The following AKT2 variants were observed in gnomAD, a reference collection of about 807,000 sequenced individuals.
AKT2 encodes RAC-beta serine/threonine-protein kinase.
Under a neutral mutation model 58.6 loss-of-function variants are expected in AKT2, and 16 were observed. The ratio of observed to expected loss-of-function variants is 0.27; its 90% CI spans 0.18 to 0.41. The LOEUF (loss-of-function observed/expected upper bound fraction) is 0.41. AKT2 is among the 10% of genes least tolerant of loss of function. The pLI is 1.00. For synonymous variants in AKT2, 253 were observed against 254.0 expected, an observed-to-expected ratio of 1.00 and a Z score of 0.04; for missense variants, 438 against 661.0, an observed-to-expected ratio of 0.66 and a Z score of 3.70.
At chr19:40,276,642 G>A (rs1175582991) in intron 1 of AKT2, among the ~76,000 whole-genome samples, 1 of 151,910 alleles carries the variant, frequency 6.6e-6, no homozygotes, top group Admixed American at 6.5e-5. Flanking sequence ...GGGATTACAG[G>A]TGTGAACCAC....
intron 2 of AKT2, 84 bp from the exon 3 acceptor site, chr19:40,257,138 C>T (rs866904378): frequency 1.4e-5 from 21 of 1,540,918 alleles, no homozygotes; most frequent in Middle Eastern, 3.8e-4. Context: ...CCCAGTGTGA[C>T]GGTGACTCAC....
rs1333242372 is a variant in AKT2 at position 40,232,379 on chromosome 19, C to T, written c.*1493G>A. 3 of 233,464 alleles carry T rather than the reference C, an allele frequency of 1.3e-5. No individual in the cohort carries two copies. The highest frequency in any genetic ancestry group is 1.8e-4 in the South Asian group (1 of 5,530). The allele number at this position is 233,464 out of a possible 1,614,324, so 14.5% of individuals were successfully genotyped here. A position where few individuals can be genotyped will look rare whatever the true frequency, so the allele number is the denominator to read the frequency against. On this transcript the variant is annotated 3_prime_UTR_variant, in exon 14 of 14. Transcript: ENST00000392038. Reference sequence around the variant, plus strand: ...TGCTTGTACCGTACAAATATGAAGACGAGGAGAAAGGCCAGTAGGGACGGA... The same window carrying T: ...TGCTTGTACCGTACAAATATGAAGATGAGGAGAAAGGCCAGTAGGGACGGA...
intron 1 of AKT2, among the ~76,000 whole-genome samples, chr19:40,284,297 C>T (rs2077475314): frequency 6.6e-6 from 1 of 152,132 alleles, no homozygotes; most frequent in African/African-American, 2.4e-5. Context: ...AAGCCCAATC[C>T]CTCTTCCTCT....
chr19:40,261,933 A>T (rs986994271), intron 2 of AKT2, among the ~76,000 whole-genome samples: 3 of 151,568 alleles, frequency 2.0e-5, no homozygotes, highest in African/African-American at 7.3e-5. Context: ...GATAAAAACT[A>T]AAAAAAACCT....
At chr19:40,255,666 T>A (rs575996880) in intron 3 of AKT2, among the ~76,000 whole-genome samples, 1 of 151,768 alleles carries the variant, frequency 6.6e-6, no homozygotes, top group African/African-American at 2.4e-5. Context: ...TGAGAGGAGG[T>A]TCAACATCCT....
At chr19:40,236,140 G>A (rs1194476061) in intron 10 of AKT2, 36 bp from the exon 11 acceptor site, 2 of 1,613,338 alleles carry the variant, frequency 1.2e-6, no homozygotes, top group African/African-American at 1.3e-5. Context: ...TGGGCCCGTG[G>A]CCCTGAGGCT....
intron 1 of AKT2, among the ~76,000 whole-genome samples, chr19:40,267,600 G>A (rs1282407859): frequency 2.6e-5 from 4 of 152,216 alleles, no homozygotes; most frequent in Non-Finnish European, 5.9e-5. Flanking sequence ...CGCTAATGCA[G>A]TAGACCAGCA....
intron 3 of AKT2, among the ~76,000 whole-genome samples, chr19:40,255,984 G>C (rs1399504414): frequency 6.6e-6 from 1 of 152,172 alleles, no homozygotes; most frequent in African/African-American, 2.4e-5. Flanking sequence ...ATGGGAAGAG[G>C]GCACTGAGGA....
Position 40,233,371 on chromosome 19 carries a change from G to C in AKT2, c.*501C>G, listed in dbSNP as rs562687062. On this transcript the variant is annotated 3_prime_UTR_variant, in exon 14 of 14. Coordinates refer to ENST00000392038, the MANE Select transcript of AKT2 (RefSeq NM_001626.6). The surrounding 1 kb of genome is among the most constrained non-coding windows in gnomAD (Gnocchi z 4.3). ...ATTATTGCTTTTCTGCCCCCATAGGGGGACAGCGGGTGGGGGATTGGACCG... is the reference window on the plus strand; with the variant it reads ...ATTATTGCTTTTCTGCCCCCATAGGCGGACAGCGGGTGGGGGATTGGACCG... 5.0e-5 allele frequency: 21 copies of C among 423,354 alleles called. No homozygotes were observed. The highest frequency in any genetic ancestry group is 3.6e-4 in the Admixed American group (10 of 27,780). 26.2% of individuals were successfully genotyped at this position (423,354 alleles called of 1,614,324 possible).
intron 1 of AKT2, chr19:40,274,854 T>C (rs1568571321): frequency 2.8e-6 from 1 of 351,762 alleles, no homozygotes; most frequent in South Asian, 2.1e-5. Flanking sequence ...GTGGCTCTTA[T>C]TTGGAGTGAG....
chr19:40,233,821 C>A lies in AKT2; in HGVS notation c.*51G>T, dbSNP rs1434005181. On this transcript the variant is annotated 3_prime_UTR_variant, in exon 14 of 14. Coordinates refer to ENST00000392038, the MANE Select transcript of AKT2 (RefSeq NM_001626.6). This position sits in a 1 kb window ranked among gnomAD's most constrained non-coding sequence, Gnocchi z 4.3. ...TAAGTAAAAAGTTAGGGGGAAAAAA[C>A]CACCCAGCGGTGATGGCAGCGAGCG... is the stretch of plus-strand genomic sequence containing the variant. The A allele has an allele frequency of 2.5e-6, 4 of 1,586,980 alleles. No individual in the cohort carries two copies. The highest frequency in any genetic ancestry group is 3.4e-6 in the Non-Finnish European group (4 of 1,165,866).
Position 40,255,152 on chromosome 19 carries a change from A to G in AKT2, c.287+6T>C, listed in dbSNP as rs767520410. 1 of 1,607,468 alleles carries G rather than the reference A, an allele frequency of 6.2e-7. No individual in the cohort carries two copies. Among genetic ancestry groups the G allele is most frequent in the African/African-American group, 1.3e-5 (1 of 74,798 alleles). On this transcript the variant is annotated splice_donor_region_variant and intron_variant, in intron 4 of 13. Coordinates refer to ENST00000392038, the MANE Select transcript of AKT2 (RefSeq NM_001626.6). ...CAAGGGCAGCCACACAGAGGCCCAG[A>G]CTGACCTCTCGTCTGGAGAATCCAC... is the stretch of plus-strand genomic sequence containing the variant.
intron 1 of AKT2, among the ~76,000 whole-genome samples, chr19:40,271,882 T>C (rs2077222606): frequency 6.6e-6 from 1 of 152,212 alleles, no homozygotes. Context: ...AAATGTCTCC[T>C]GGGGTACAAA....
At chr19:40,284,371 GA>G in intron 1 of AKT2, among the ~76,000 whole-genome samples, 1 of 152,182 alleles carries the variant, frequency 6.6e-6, no homozygotes, top group Middle Eastern at 3.4e-3. Context: ...CTCCCCTATG[GA>G]AGGAAAGAAC....
Position 40,235,537 on chromosome 19 carries a change from C to A in AKT2, c.1176-187G>T. 1.5e-6 allele frequency: 1 copy of A among 674,724 alleles called. No homozygotes were observed. Among genetic ancestry groups the A allele is most frequent in the South Asian group, 1.7e-5 (1 of 59,572 alleles). 41.8% of individuals were successfully genotyped at this position (674,724 alleles called of 1,614,324 possible). On this transcript the variant is annotated intron_variant, in intron 11 of 13. Coordinates refer to ENST00000392038, the MANE Select transcript of AKT2 (RefSeq NM_001626.6). This position sits in a 1 kb window ranked among gnomAD's most constrained non-coding sequence, Gnocchi z 6.3. ...CCCAGGGTCAGAGCCAGGGAGTCAG[C>A]AACCCGGACCCACGTGTCCTCACTG... is the stretch of plus-strand genomic sequence containing the variant.
At chr19:40,271,965 G>T (rs534777245) in intron 1 of AKT2, among the ~76,000 whole-genome samples, 2 of 152,208 alleles carry the variant, frequency 1.3e-5, no homozygotes, top group Non-Finnish European at 2.9e-5. Flanking sequence ...CAATCTAAAA[G>T]CTCACAACAG....
At chr19:40,272,684 A>C (rs909985469) in intron 1 of AKT2, among the ~76,000 whole-genome samples, 4 of 152,192 alleles carry the variant, frequency 2.6e-5, no homozygotes, top group African/African-American at 9.7e-5. Context: ...TCAATGATGG[A>C]CCTTATAGGG....
At chr19:40,278,806 C>T (rs995112273) in intron 1 of AKT2, among the ~76,000 whole-genome samples, 6 of 152,028 alleles carry the variant, frequency 3.9e-5, no homozygotes, top group Admixed American at 2.0e-4. Flanking sequence ...CCGCCCCACT[C>T]AGCAGGAAGG....
intron 4 of AKT2, among the ~76,000 whole-genome samples, chr19:40,244,706 A>G (rs1183168167): frequency 2.0e-5 from 3 of 152,238 alleles, no homozygotes; most frequent in African/African-American, 7.2e-5. Context: ...CAGTGATTTA[A>G]ATAAGCCACA....
Sources: allele counts gnomAD v4.1 joint callset (sites outside exome capture counted in the v4.1 genomes callset), GRCh38; gene constraint gnomAD v4.1.1; non-coding constraint Gnocchi (gnomAD v3.1); transcripts MANE v1.5; gene names NCBI Gene and HGNC (gene_info 2026-07-23, HGNC 2026-07-21).